Variants in TRHDE observed in about 807,000 individuals in gnomAD.
TRHDE encodes thyrotropin-releasing hormone-degrading ectoenzyme.
TRHDE carries 72 observed loss-of-function variants against 125.7 expected under a neutral mutation model. The ratio of observed to expected loss-of-function variants is 0.57; its 90% CI spans 0.47 to 0.70. The LOEUF (loss-of-function observed/expected upper bound fraction) is 0.70. TRHDE is among the 30% of genes least tolerant of loss of function. The pLI, the probability that TRHDE is intolerant of heterozygous loss-of-function variation, is 0.00. For missense variants in TRHDE, 1,110 were observed against 1,327.1 expected (o/e 0.84, Z 2.54); for synonymous variants, 509 against 509.1 (o/e 1.00, Z 0.00).
intron 2 of TRHDE, among the ~76,000 whole-genome samples, chr12:72,212,100 T>C (rs1319313570): frequency 6.6e-6 from 1 of 152,144 alleles, no homozygotes; most frequent in African/African-American, 2.4e-5. Context: ...GAAGTAGTTG[T>C]TTTTGAATAA....
chr12:72,631,540 A>G (rs2136086911), intron 15 of TRHDE, among the ~76,000 whole-genome samples: 1 of 152,052 alleles, frequency 6.6e-6, no homozygotes, highest in African/African-American at 2.4e-5. Flanking sequence ...ACGTAAAAAG[A>G]AAACAGGAAG....
intron 5 of TRHDE, among the ~76,000 whole-genome samples, chr12:72,488,114 A>G (rs1026160526): frequency 3.9e-5 from 6 of 152,148 alleles, no homozygotes; most frequent in Admixed American, 2.6e-4. Context: ...GAAGCAAAGG[A>G]GTTATAAAAC....
chr12:72,603,259 T>C (rs1014654835), intron 12 of TRHDE, among the ~76,000 whole-genome samples: 16 of 152,212 alleles, frequency 1.1e-4, no homozygotes, highest in South Asian at 4.1e-4. Context: ...CTGGAGATAG[T>C]TGACATAAAT....
chr12:72,200,782 G>T (rs1181752661), intron 2 of TRHDE, among the ~76,000 whole-genome samples: 1 of 152,124 alleles, frequency 6.6e-6, no homozygotes, highest in Non-Finnish European at 1.5e-5. Context: ...GCTTGTAAGG[G>T]TCTGGTTGTC....
At chr12:72,648,426 C>A (rs1486083526) in intron 15 of TRHDE, among the ~76,000 whole-genome samples, 1 of 151,990 alleles carries the variant, frequency 6.6e-6, no homozygotes, top group Non-Finnish European at 1.5e-5. Flanking sequence ...AAGAAATAAA[C>A]GGCATCCTAA....
At chr12:72,575,140 T>G in intron 10 of TRHDE, 115 bp from the exon 11 acceptor site, 1 of 1,000,326 alleles carries the variant, frequency 1.0e-6, no homozygotes, top group Non-Finnish European at 1.5e-6. Context: ...CAATTAGGTA[T>G]TTAAGATGAC....
intron 2 of TRHDE, among the ~76,000 whole-genome samples, chr12:72,140,856 G>A (rs1346193061): frequency 6.6e-6 from 1 of 152,120 alleles, no homozygotes; most frequent in Admixed American, 6.5e-5. Flanking sequence ...TCATTGAGCA[G>A]AACATAAATA....
intron 2 of TRHDE, among the ~76,000 whole-genome samples, chr12:72,151,580 T>C (rs1191666473): frequency 1.3e-5 from 2 of 151,868 alleles, no homozygotes; most frequent in Non-Finnish European, 2.9e-5. Context: ...GTATAAGGTG[T>C]AAGGAAGGGA....
At chr12:72,409,155 A>G (rs1011756130) in intron 3 of TRHDE, among the ~76,000 whole-genome samples, 2 of 152,220 alleles carry the variant, frequency 1.3e-5, no homozygotes, top group African/African-American at 4.8e-5. Context: ...ATAAAAGAGA[A>G]TTATCTCTAA....
chr12:72,417,363 A>G (rs988259932), intron 3 of TRHDE, among the ~76,000 whole-genome samples: 1 of 152,036 alleles, frequency 6.6e-6, no homozygotes, highest in African/African-American at 2.4e-5. Flanking sequence ...GAGATTAACA[A>G]TTAGACTCTT....
intron 15 of TRHDE, among the ~76,000 whole-genome samples, chr12:72,644,828 A>G (rs1289709967): frequency 1.3e-5 from 2 of 152,156 alleles, no homozygotes; most frequent in Non-Finnish European, 2.9e-5. Context: ...TGGCATTCTG[A>G]TGGGCCTGGT....
chr12:72,152,060 C>T (rs1352882792), intron 2 of TRHDE, among the ~76,000 whole-genome samples: 1 of 151,898 alleles, frequency 6.6e-6, no homozygotes, highest in Non-Finnish European at 1.5e-5. Flanking sequence ...TTTGTATCCT[C>T]TTTTATTTCA....
At chr12:72,459,631 T>A (rs1592461270) in intron 3 of TRHDE, among the ~76,000 whole-genome samples, 4 of 152,214 alleles carry the variant, frequency 2.6e-5, no homozygotes, top group Admixed American at 6.5e-5. Context: ...GCATTTTTTT[T>A]ATTCTTTTAG....
chr12:72,390,241 C>G (rs1373656358), intron 3 of TRHDE, among the ~76,000 whole-genome samples: 2 of 152,152 alleles, frequency 1.3e-5, no homozygotes, highest in African/African-American at 4.8e-5. Context: ...CTAACCAGAA[C>G]AGCTGTATTT....
chr12:72,436,939 C>G (rs1483214527), intron 3 of TRHDE, among the ~76,000 whole-genome samples: 1 of 151,788 alleles, frequency 6.6e-6, no homozygotes, highest in Non-Finnish European at 1.5e-5. Flanking sequence ...ATATTCATAT[C>G]TGGGCATCCT....
At chr12:72,374,760 C>A (rs1217399461) in intron 2 of TRHDE, among the ~76,000 whole-genome samples, 3 of 151,984 alleles carry the variant, frequency 2.0e-5, no homozygotes, top group Non-Finnish European at 4.4e-5. Context: ...TATCTTGAGG[C>A]CATTAGTGAT....
chr12:72,592,753 C>A (rs1358975926), intron 12 of TRHDE, among the ~76,000 whole-genome samples: 1 of 150,856 alleles, frequency 6.6e-6, no homozygotes, highest in Non-Finnish European at 1.5e-5. Flanking sequence ...TCTTGCTACT[C>A]AGGCTGAAGT....
intron 2 of TRHDE, among the ~76,000 whole-genome samples, chr12:72,123,151 G>A (rs888372511): frequency 6.6e-6 from 1 of 152,108 alleles, no homozygotes; most frequent in Admixed American, 6.6e-5. Context: ...CTGGAAACAG[G>A]TTGTGGTAGT....
At chr12:72,610,368 T>G (rs1242825321) in intron 12 of TRHDE, among the ~76,000 whole-genome samples, 1 of 152,210 alleles carries the variant, frequency 6.6e-6, no homozygotes, top group Non-Finnish European at 1.5e-5. Context: ...GTAAGCATAG[T>G]CCGTGTAGTG....
Sources: allele counts gnomAD v4.1 joint callset (sites outside exome capture counted in the v4.1 genomes callset), GRCh38; gene constraint gnomAD v4.1.1; transcripts MANE v1.5; gene names NCBI Gene and HGNC (gene_info 2026-07-23, HGNC 2026-07-21).